Variants in TACC2 observed in about 807,000 individuals in gnomAD.
TACC2 encodes the protein transforming acidic coiled-coil-containing protein 2.
In TACC2, 137 loss-of-function variants were observed where a neutral mutation model predicts 227.3. The observed-to-expected ratio is 0.60, with a 90% CI of 0.52 to 0.69. TACC2 has a LOEUF of 0.69. Ranked by LOEUF, TACC2 falls within the 30% of genes least tolerant of loss-of-function variation. TACC2 has a pLI of 0.00. For missense variants in TACC2, 3,470 were observed against 3,694.4 expected, an observed-to-expected ratio of 0.94 and a Z score of 1.57; for synonymous variants, 1,523 against 1,487.5, an observed-to-expected ratio of 1.02 and a Z score of -0.55.
At chr10:122,004,397 CA>C (rs140584119) in intron 1 of TACC2, among the ~76,000 whole-genome samples, 3,015 of 104,100 alleles carry the variant, frequency 0.029, 62 homozygotes, top group African/African-American at 0.099. Flanking sequence ...GACTCTGTCT[CA>C]AAAAAAAAAA....
intron 6 of TACC2, among the ~76,000 whole-genome samples, chr10:122,140,311 G>T (rs571065112): frequency 6.6e-6 from 1 of 152,232 alleles, no homozygotes; most frequent in African/African-American, 2.4e-5. Flanking sequence ...TGCTGAAAGC[G>T]TGGTGGTTTA....
At chr10:122,059,292 G>C (rs1361209064) in intron 3 of TACC2, among the ~76,000 whole-genome samples, 1 of 151,958 alleles carries the variant, frequency 6.6e-6, no homozygotes, top group Non-Finnish European at 1.5e-5. Flanking sequence ...GCTATTGCCA[G>C]GACCAGTTTA....
rs749720151 is a variant in TACC2, at chr10:122,210,892, A to T, written c.6467A>T (p.Glu2156Val). 2.5e-6 allele frequency: 4 copies of T among 1,613,734 alleles called. No individual in the cohort carries two copies. The highest frequency in any genetic ancestry group is 3.4e-6 in the Non-Finnish European group (4 of 1,179,998). ...CCCCCAGTGAAGGAGACGCAACAGG[A>T]GCCAGATGAAGAGAGCCTTGTCCCC... The part of the protein sequence containing the change: ...ETPPVKETQQ[E>V]PDEESLVPSG... The change falls in exon 9 of 23, where the codon GAG (glutamate) becomes GTG (valine). Residue 2156 changes from glutamate to valine, a missense_variant. By Grantham distance (121) the Glu-to-Val change is moderately radical. Around this residue, in one of 10 missense-constraint regions of TACC2, gnomAD observed 593 missense variants for 636.6 expected, o/e 0.93. Transcript: ENST00000369005. The surrounding 1 kb of genome is among the most constrained non-coding windows in gnomAD (Gnocchi z 4.6).
At chr10:121,992,275 C>T (rs1173539365) in intron 1 of TACC2, among the ~76,000 whole-genome samples, 1 of 152,126 alleles carries the variant, frequency 6.6e-6, no homozygotes, top group Non-Finnish European at 1.5e-5. Context: ...TGGAAGAAAG[C>T]AGTTTGTACA....
chr10:122,052,071 A>T (rs1171705108), intron 3 of TACC2: 1 of 151,914 alleles, frequency 6.6e-6, no homozygotes, highest in East Asian at 1.9e-4. Context: ...ATTTCCATGA[A>T]TTTTTCATCA....
At chr10:122,093,789 T>A (rs1190074981) in intron 5 of TACC2, among the ~76,000 whole-genome samples, 2 of 152,234 alleles carry the variant, frequency 1.3e-5, no homozygotes, top group Non-Finnish European at 2.9e-5. Flanking sequence ...CCTGGGATAA[T>A]GCCTGGTATA....
chr10:122,143,827 C>G (rs1041730715), intron 7 of TACC2, 121 bp downstream of exon 7: 8 of 1,101,658 alleles, frequency 7.3e-6, no homozygotes, highest in Admixed American at 2.6e-5. Context: ...GACCATTTGG[C>G]CCCGTGAGAC....
intron 8 of TACC2, among the ~76,000 whole-genome samples, chr10:122,195,383 T>G (rs2094532121): frequency 6.6e-6 from 1 of 151,782 alleles, no homozygotes; most frequent in African/African-American, 2.4e-5. Flanking sequence ...CTTTGCAGAA[T>G]TTTAGGGGGG....
intron 9 of TACC2, chr10:122,213,506 A>G: frequency 1.1e-6 from 1 of 895,408 alleles, no homozygotes; most frequent in Non-Finnish European, 1.8e-6. Context: ...TGGGCCTGCG[A>G]ATGATGGGGC....
intron 3 of TACC2, among the ~76,000 whole-genome samples, chr10:122,062,272 A>G (rs1488829065): frequency 6.6e-6 from 1 of 151,562 alleles, no homozygotes; most frequent in East Asian, 1.9e-4. Context: ...TGACCTTGTG[A>G]TCTGCCCGCC....
At chr10:122,143,963 AGGATGGATAGAT>A (rs771797368) in intron 7 of TACC2, among the ~76,000 whole-genome samples, 1 of 152,198 alleles carries the variant, frequency 6.6e-6, no homozygotes, top group African/African-American at 2.4e-5. Context: ...CAGAGCCAAT[AGGATGGATAGAT>A]GGATGGATGA....
rs1330533913 is a variant in TACC2, at chr10:122,240,607, C to T, written c.8349-1351C>T. Among the ~76,000 whole-genome samples, 3 of 152,202 alleles carry T rather than the reference C, an allele frequency of 2.0e-5. No homozygotes were observed. In the East Asian group the frequency reaches 5.8e-4, roughly 29 times the overall value. ...CCGCAGCTTCCATGAATGTCGTGCT[C>T]AGGGTCACACAGCTGGGAGGGGCAA... On this transcript the variant is annotated intron_variant, in intron 18 of 22. Transcript: ENST00000369005.
chr10:122,098,852 G>A (rs772076720), intron 5 of TACC2, among the ~76,000 whole-genome samples: 2 of 152,170 alleles, frequency 1.3e-5, no homozygotes, highest in Non-Finnish European at 2.9e-5. Flanking sequence ...TTCTCGTCCT[G>A]TAGCCTCAGC....
intron 7 of TACC2, among the ~76,000 whole-genome samples, chr10:122,186,583 T>TGG (rs199650829): frequency 0.12 from 17,966 of 152,150 alleles, 3,299 homozygotes; most frequent in African/African-American, 0.39. Flanking sequence ...GCATGATCTC[T>TGG]GCTCACTGCA....
In TACC2 at chr10:122,087,060, T is replaced by C. The variant is rs908534813; in HGVS notation, c.4560T>C (p.Gly1520=). 1 of 1,613,150 alleles carries C rather than the reference T, an allele frequency of 6.2e-7. No individual in the cohort carries two copies. ...CCGGTGTGGGGAAGGAGATGGCAGG[T>C]GTCCCACCCACACTGAGGGAAGACG... The part of the protein sequence containing the change: ...PGAGVGKEMA[G]VPPTLREDER... Residue 1520 remains glycine (G), a synonymous_variant, in exon 4 of 23, where the codon GGT becomes GGC. Coordinates refer to ENST00000369005, the MANE Select transcript of TACC2 (RefSeq NM_206862.4).
At chr10:122,117,609 A>G (rs1353693900) in intron 5 of TACC2, among the ~76,000 whole-genome samples, 3 of 152,210 alleles carry the variant, frequency 2.0e-5, no homozygotes, top group Non-Finnish European at 4.4e-5. Context: ...TGGAAAGAGA[A>G]AGCAGCTGCC....
intron 1 of TACC2, among the ~76,000 whole-genome samples, chr10:121,993,616 G>GT: frequency 6.6e-6 from 1 of 151,894 alleles, no homozygotes; most frequent in South Asian, 2.1e-4. Context: ...TTGTTTGTTT[G>GT]TTTTTTGTTT....
chr10:122,159,943 G>T (rs1056650057), intron 7 of TACC2, among the ~76,000 whole-genome samples: 1 of 152,194 alleles, frequency 6.6e-6, no homozygotes, highest in East Asian at 1.9e-4. Context: ...TGGGGTGTCA[G>T]AGGGGTCTCA....
At chr10:121,990,118 ATT>A (rs547344106) in intron 1 of TACC2, among the ~76,000 whole-genome samples, 1 of 145,046 alleles carries the variant, frequency 6.9e-6, no homozygotes. Context: ...CCTTCTGTGG[ATT>A]TTTTTTTTTA....
Sources: gnomAD v4.1 joint callset for allele counts (sites outside exome capture counted in the v4.1 genomes callset) on GRCh38, gnomAD v4.1.1 for gene constraint, gnomAD v4.1.1 regional missense constraint, Gnocchi (gnomAD v3.1) non-coding constraint, MANE v1.5 for transcripts, NCBI Gene and HGNC (gene_info 2026-07-23, HGNC 2026-07-21) for gene names.